Variants in AGBL4 observed in about 807,000 individuals in gnomAD.
AGBL4 encodes the protein cytosolic carboxypeptidase 6.
Under a neutral mutation model 66.4 loss-of-function variants are expected in AGBL4, and 58 were observed. The observed-to-expected ratio is 0.87, with a 90% CI of 0.71 to 1.09. The LOEUF (loss-of-function observed/expected upper bound fraction) is 1.09. Among genes scored for constraint, AGBL4 ranks in the 50% least tolerant of loss-of-function variants. AGBL4 has a pLI of 0.00. For missense variants in AGBL4, 579 were observed against 631.0 expected (o/e 0.92, Z 0.88); for synonymous variants, 234 against 222.9 (o/e 1.05, Z -0.44).
intron 3 of AGBL4, among the ~76,000 whole-genome samples, chr1:49,406,391 A>AT (rs1645197835): frequency 6.6e-6 from 1 of 152,210 alleles, no homozygotes; most frequent in South Asian, 2.1e-4. Context: ...CTTACCTACA[A>AT]ATGTGATATA....
chr1:49,355,221 G>C (rs1643995213), intron 3 of AGBL4, among the ~76,000 whole-genome samples: 1 of 152,080 alleles, frequency 6.6e-6, no homozygotes, highest in Admixed American at 6.6e-5. Context: ...ATGTTTAACA[G>C]GTATGTCAAA....
intron 3 of AGBL4, among the ~76,000 whole-genome samples, chr1:49,462,757 C>A (rs557188378): frequency 5.3e-5 from 8 of 151,756 alleles, no homozygotes; most frequent in Non-Finnish European, 1.0e-4. Context: ...ACCTGATAAC[C>A]TGATAATTAT....
chr1:48,788,132 C>T (rs1645452689), intron 6 of AGBL4, among the ~76,000 whole-genome samples: 2 of 152,184 alleles, frequency 1.3e-5, no homozygotes, highest in Admixed American at 1.3e-4. Flanking sequence ...TCAGGTTTTT[C>T]AACTGTCAAA....
chr1:49,734,720 C>T (rs1056613656), intron 2 of AGBL4, among the ~76,000 whole-genome samples: 1 of 151,750 alleles, frequency 6.6e-6, no homozygotes, highest in African/African-American at 2.4e-5. Flanking sequence ...TAATTCAATC[C>T]CTATCAAAAT....
intron 6 of AGBL4, among the ~76,000 whole-genome samples, chr1:48,705,465 C>A (rs1050101811): frequency 6.6e-6 from 1 of 152,168 alleles, no homozygotes; most frequent in East Asian, 1.9e-4. Flanking sequence ...TTGCATTGTA[C>A]TAAGCATTTC....
At chr1:48,613,632 T>C (rs1031353361) in intron 9 of AGBL4, among the ~76,000 whole-genome samples, 1 of 152,138 alleles carries the variant, frequency 6.6e-6, no homozygotes, top group Admixed American at 6.5e-5. Flanking sequence ...AAGCTTTAAA[T>C]GAGATTGTGT....
chr1:49,243,060 C>T (rs1651362086), intron 4 of AGBL4, among the ~76,000 whole-genome samples: 1 of 150,102 alleles, frequency 6.7e-6, no homozygotes, highest in African/African-American at 2.5e-5. Flanking sequence ...TATATATATA[C>T]ACACACATAC....
chr1:48,785,510 G>T (rs1645387882), intron 6 of AGBL4, among the ~76,000 whole-genome samples: 1 of 152,112 alleles, frequency 6.6e-6, no homozygotes, highest in South Asian at 2.1e-4. Context: ...ATCAATAAAA[G>T]CCTATTTCCC....
In AGBL4 at chr1:49,074,376, G is replaced by A. The variant is rs547251683; in HGVS notation, c.378-28576C>T. 7.2e-5 allele frequency among the ~76,000 whole-genome samples: 11 copies of A among 152,254 alleles called. No homozygotes were observed. The South Asian group carries it at 1.7e-3, about 23-fold the overall frequency. Reference sequence around the variant, plus strand: ...GTGAGGCGACACCCTGCCCTGCTTCGGCTCACCCTCCATGGGCTGCATCCA... The same window carrying A: ...GTGAGGCGACACCCTGCCCTGCTTCAGCTCACCCTCCATGGGCTGCATCCA... On this transcript the variant is annotated intron_variant, in intron 4 of 13. Transcript: ENST00000371839.
chr1:49,285,747 A>G (rs1465211383), intron 3 of AGBL4, among the ~76,000 whole-genome samples: 2 of 152,232 alleles, frequency 1.3e-5, no homozygotes, highest in African/African-American at 4.8e-5. Flanking sequence ...AAACACCTCT[A>G]CGCAAATAAA....
intron 3 of AGBL4, among the ~76,000 whole-genome samples, chr1:49,665,627 A>T (rs1646349496): frequency 6.6e-6 from 1 of 152,144 alleles, no homozygotes; most frequent in African/African-American, 2.4e-5. Context: ...AGACCAAGAA[A>T]ATCTGTCTCC....
intron 4 of AGBL4, among the ~76,000 whole-genome samples, chr1:49,236,575 T>C (rs1442434604): frequency 1.3e-5 from 2 of 152,172 alleles, no homozygotes; most frequent in African/African-American, 4.8e-5. Context: ...CTCAGGAATT[T>C]GGAAAAATGG....
intron 2 of AGBL4, among the ~76,000 whole-genome samples, chr1:49,722,941 A>G (rs1648722746): frequency 6.6e-6 from 1 of 152,138 alleles, no homozygotes; most frequent in Admixed American, 6.6e-5. Flanking sequence ...TCACTCCTCA[A>G]CTTGAGCTAA....
intron 3 of AGBL4, among the ~76,000 whole-genome samples, chr1:49,384,249 A>G (rs1425512363): frequency 6.6e-6 from 1 of 152,156 alleles, no homozygotes; most frequent in Admixed American, 6.6e-5. Flanking sequence ...AAACTCAATG[A>G]TAAAAAATTC....
intron 8 of AGBL4, among the ~76,000 whole-genome samples, chr1:48,637,924 C>T (rs1244960343): frequency 6.6e-6 from 1 of 152,170 alleles, no homozygotes; most frequent in Non-Finnish European, 1.5e-5. Flanking sequence ...GGGTGCTGTG[C>T]TCACAAAGCT....
chr1:49,708,992 G>A (rs1036762503), intron 2 of AGBL4, among the ~76,000 whole-genome samples: 4 of 152,106 alleles, frequency 2.6e-5, no homozygotes, highest in African/African-American at 9.7e-5. Flanking sequence ...GGTGTCTATC[G>A]ACCCCTGCTG....
At chr1:49,007,983 A>C (rs1008176513) in intron 5 of AGBL4, among the ~76,000 whole-genome samples, 25 of 152,126 alleles carry the variant, frequency 1.6e-4, no homozygotes, top group African/African-American at 3.4e-4. Context: ...CGAGCAAAAT[A>C]ACCAGCTAAC....
chr1:48,972,974 G>A (rs1464210359), intron 5 of AGBL4, among the ~76,000 whole-genome samples: 1 of 152,020 alleles, frequency 6.6e-6, no homozygotes, highest in African/African-American at 2.4e-5. Context: ...TCAAGCAACT[G>A]GCCCAAATTT....
chr1:49,386,432 T>C (rs1644738692), intron 3 of AGBL4, among the ~76,000 whole-genome samples: 1 of 151,886 alleles, frequency 6.6e-6, no homozygotes, highest in South Asian at 2.1e-4. Context: ...GATGTTCTGA[T>C]GTTAACCAAT....
Sources: allele counts gnomAD v4.1 joint callset (sites outside exome capture counted in the v4.1 genomes callset), GRCh38; gene constraint gnomAD v4.1.1; transcripts MANE v1.5; gene names NCBI Gene and HGNC (gene_info 2026-07-23, HGNC 2026-07-21).